Variants in CFAP299 observed in about 807,000 individuals in gnomAD.
CFAP299 encodes cilia and flagella associated protein 299.
A neutral mutation model predicts 27.0 loss-of-function variants in CFAP299; 21 were observed. That is an observed-to-expected ratio of 0.78 (90% CI 0.55 to 1.12). The LOEUF (loss-of-function observed/expected upper bound fraction) is 1.12. Among genes scored for constraint, CFAP299 ranks in the 50% most tolerant of loss-of-function variants. The probability of loss-of-function intolerance (pLI) is 0.00; values close to 1 mark genes in which losing one functional copy is unlikely to be tolerated. For missense variants in CFAP299, 310 were observed against 276.6 expected (o/e 1.12, Z -0.86); for synonymous variants, 104 against 98.1 (o/e 1.06, Z -0.36).
At chr4:80,676,147 C>G (rs1578006201) in intron 3 of CFAP299, among the ~76,000 whole-genome samples, 2 of 152,208 alleles carry the variant, frequency 1.3e-5, no homozygotes, top group East Asian at 1.9e-4. Context: ...CAGACCCAAG[C>G]TGTTCCTATT....
At chr4:80,562,649 C>T (rs1184193413) in intron 2 of CFAP299, among the ~76,000 whole-genome samples, 1 of 139,440 alleles carries the variant, frequency 7.2e-6, no homozygotes, top group Non-Finnish European at 1.5e-5. Context: ...TACAGCGAGA[C>T]TCAATTTCAA....
intron 3 of CFAP299, among the ~76,000 whole-genome samples, chr4:80,664,624 G>A (rs568439745): frequency 6.6e-6 from 1 of 152,226 alleles, no homozygotes; most frequent in Non-Finnish European, 1.5e-5. Context: ...CTGCTGTGCT[G>A]GCAGCAAGAG....
At chr4:80,327,690 TTATATATATATATATATA>T in the CFAP299 span, among the ~76,000 whole-genome samples, 1 of 51,242 alleles carries the variant, frequency 2.0e-5, no homozygotes, top group Non-Finnish European at 3.7e-5. Context: ...TAGAGAGAAG[TTATATATATATATATATA>T]TATATATATA....
intron 2 of CFAP299, among the ~76,000 whole-genome samples, chr4:80,545,397 T>C (rs1370147061): frequency 1.3e-5 from 2 of 151,618 alleles, no homozygotes; most frequent in African/African-American, 2.4e-5. Flanking sequence ...ATACAAAAGA[T>C]CAATGAAACT....
intron 3 of CFAP299, among the ~76,000 whole-genome samples, chr4:80,624,913 G>A (rs7658613): frequency 0.64 from 97,582 of 151,956 alleles, 34,500 homozygotes; most frequent in Non-Finnish European, 0.79. Flanking sequence ...AATGAAGGAG[G>A]AATAAAGACT....
intron 2 of CFAP299, among the ~76,000 whole-genome samples, chr4:80,546,351 C>T (rs569361541): frequency 5.0e-4 from 76 of 152,230 alleles, no homozygotes; most frequent in African/African-American, 1.8e-3. Context: ...CTCAGAGCCA[C>T]ATCAGCAATG....
chr4:80,770,152 G>A (rs996095984), intron 3 of CFAP299, among the ~76,000 whole-genome samples: 1 of 152,122 alleles, frequency 6.6e-6, no homozygotes, highest in African/African-American at 2.4e-5. Flanking sequence ...CTAATATAAT[G>A]TTCTCGAGGA....
chr4:80,424,531 C>A (rs1430467741), intron 2 of CFAP299, among the ~76,000 whole-genome samples: 1 of 152,140 alleles, frequency 6.6e-6, no homozygotes, highest in African/African-American at 2.4e-5. Flanking sequence ...TATGAAAGAA[C>A]TGAAATTAGG....
intron 3 of CFAP299, among the ~76,000 whole-genome samples, chr4:80,643,926 A>G (rs1404034329): frequency 6.6e-6 from 1 of 152,192 alleles, no homozygotes; most frequent in Non-Finnish European, 1.5e-5. Context: ...GAGGCAGTAC[A>G]GGATGCTTTA....
chr4:80,734,848 C>T (rs921915981), intron 3 of CFAP299, among the ~76,000 whole-genome samples: 8 of 151,974 alleles, frequency 5.3e-5, no homozygotes, highest in Admixed American at 2.0e-4. Context: ...TACCATGCTG[C>T]TTTTGTTACT....
intron 2 of CFAP299, among the ~76,000 whole-genome samples, chr4:80,430,508 G>C (rs922963519): frequency 6.6e-6 from 1 of 152,148 alleles, no homozygotes; most frequent in Non-Finnish European, 1.5e-5. Flanking sequence ...AACTTCTCTA[G>C]CTTGCCTTCA....
chr4:80,862,914 A>G (rs1732471472), intron 3 of CFAP299, among the ~76,000 whole-genome samples: 1 of 152,214 alleles, frequency 6.6e-6, no homozygotes, highest in African/African-American at 2.4e-5. Context: ...AATGATGGGC[A>G]TTTCTAAATG....
chr4:80,725,111 AT>A lies in CFAP299; in HGVS notation c.333+141953del, dbSNP rs70956062. Among the ~76,000 whole-genome samples, 180 of 88,524 alleles carry A rather than the reference AT, an allele frequency of 2.0e-3. 3 individuals are homozygous for A. The South Asian group carries it at 0.044, about 21-fold the overall frequency. The allele number at this position is 88,524 out of a possible 152,430, so 58.1% of individuals were successfully genotyped here. On this transcript the variant is annotated intron_variant, in intron 3 of 5. Transcript: ENST00000358105. ...AGGCATGCACCACCATGCCTGGCCAATTTTTTTTTTTTTTTTTTTTTTTTTG... is the reference window on the plus strand; with the variant it reads ...AGGCATGCACCACCATGCCTGGCCAATTTTTTTTTTTTTTTTTTTTTTTTG...
intron 2 of CFAP299, among the ~76,000 whole-genome samples, chr4:80,376,551 T>C (rs1724420405): frequency 6.6e-6 from 1 of 152,210 alleles, no homozygotes; most frequent in Non-Finnish European, 1.5e-5. Flanking sequence ...AGAGTCCCAG[T>C]GGTCTATTTA....
chr4:80,494,122 T>G (rs1731308042), intron 2 of CFAP299, among the ~76,000 whole-genome samples: 1 of 152,144 alleles, frequency 6.6e-6, no homozygotes, highest in Non-Finnish European at 1.5e-5. Flanking sequence ...ACCTCCATGC[T>G]CTTCTTCCTG....
intron 2 of CFAP299, among the ~76,000 whole-genome samples, chr4:80,380,937 A>G (rs899447934): frequency 7.9e-5 from 12 of 152,006 alleles, no homozygotes; most frequent in Non-Finnish European, 1.3e-4. Flanking sequence ...TGTCTTCTAG[A>G]TATTCTAATA....
chr4:80,800,320 A>C (rs1728377467), intron 3 of CFAP299, among the ~76,000 whole-genome samples: 1 of 72,254 alleles, frequency 1.4e-5, no homozygotes, highest in South Asian at 4.5e-4. Context: ...GATATATGAT[A>C]CATTAATATT....
chr4:80,881,306 T>G (rs1320387173), intron 4 of CFAP299, among the ~76,000 whole-genome samples: 2 of 152,098 alleles, frequency 1.3e-5, no homozygotes, highest in Admixed American at 6.5e-5. Context: ...CAGAAAGAAG[T>G]GAAGGGGCCT....
chr4:80,376,405 T>C (rs1724412316), intron 2 of CFAP299, among the ~76,000 whole-genome samples: 1 of 152,232 alleles, frequency 6.6e-6, no homozygotes, highest in Non-Finnish European at 1.5e-5. Flanking sequence ...AGGAAATATG[T>C]TTTCATATAT....
Sources: gnomAD v4.1 joint callset for allele counts (sites outside exome capture counted in the v4.1 genomes callset) on GRCh38, gnomAD v4.1.1 for gene constraint, MANE v1.5 for transcripts, NCBI Gene and HGNC (gene_info 2026-07-23, HGNC 2026-07-21) for gene names.